Variants in FZR1 observed in about 807,000 individuals in gnomAD.
The protein encoded by FZR1 is fizzy-related protein homolog.
A neutral mutation model predicts 63.6 loss-of-function variants in FZR1; 11 were observed. That is an observed-to-expected ratio of 0.17 (90% CI 0.11 to 0.29). The LOEUF is 0.29. Among genes scored for constraint, FZR1 ranks in the 10% least tolerant of loss-of-function variants. The probability of loss-of-function intolerance (pLI) is 1.00; values close to 1 mark genes in which losing one functional copy is unlikely to be tolerated. For missense variants in FZR1, 440 were observed against 687.5 expected (o/e 0.64, Z 4.03); for synonymous variants, 328 against 297.9 (o/e 1.10, Z -1.04).
chr19:3,533,211 T>C lies in FZR1; in HGVS notation c.1243-83T>C. On this transcript the variant is annotated intron_variant, in intron 11 of 13. Coordinates refer to ENST00000441788, the MANE Select transcript of FZR1 (RefSeq NM_016263.4). The surrounding 1 kb of genome is among the most constrained non-coding windows in gnomAD (Gnocchi z 4.9). Reference sequence around the variant, plus strand: ...GGCGGCTCTGAGCTCTCACATGGGCTCAGGCGGGTGCATGTGAGGCAGCAG... The same window carrying C: ...GGCGGCTCTGAGCTCTCACATGGGCCCAGGCGGGTGCATGTGAGGCAGCAG... 1.2e-6 allele frequency: 1 copy of C among 850,118 alleles called. No individual in the cohort carries two copies. The highest frequency in any genetic ancestry group is 1.4e-5 in the South Asian group (1 of 72,236). The allele number at this position is 850,118 out of a possible 1,614,324, so 52.7% of individuals were successfully genotyped here. A position where few individuals can be genotyped will look rare whatever the true frequency, so the allele number is the denominator to read the frequency against.
At chr19:3,529,636 G>A (rs1481828761) in intron 7 of FZR1, among the ~76,000 whole-genome samples, 4 of 150,292 alleles carry the variant, frequency 2.7e-5, no homozygotes, top group Admixed American at 2.0e-4. Flanking sequence ...GAGAGCGGAT[G>A]GGTGAGCAGA....
chr19:3,517,916 A>G (rs1452507847), intron 1 of FZR1, among the ~76,000 whole-genome samples: 1 of 148,748 alleles, frequency 6.7e-6, no homozygotes, highest in East Asian at 2.0e-4. Flanking sequence ...GCTGGAGTGC[A>G]GTGGTGCGAT....
intron 1 of FZR1, among the ~76,000 whole-genome samples, chr19:3,513,247 G>C (rs1209253375): frequency 6.6e-6 from 1 of 152,090 alleles, no homozygotes; most frequent in African/African-American, 2.4e-5. Flanking sequence ...GTGAGGGGCT[G>C]TGTCCCGGCC....
chr19:3,530,668 G>C (rs1391488300), intron 7 of FZR1, 124 bp from the exon 8 acceptor site: 2 of 693,398 alleles, frequency 2.9e-6, no homozygotes, highest in Non-Finnish European at 5.0e-6. Flanking sequence ...ATGGGAGAGT[G>C]GATGAGATTG....
chr19:3,521,567 T>C (rs1369228978), intron 1 of FZR1, among the ~76,000 whole-genome samples: 1 of 151,722 alleles, frequency 6.6e-6, no homozygotes, highest in Admixed American at 6.6e-5. Flanking sequence ...AGCGGCACGA[T>C]CTCAGCTCAC....
intron 2 of FZR1, among the ~76,000 whole-genome samples, chr19:3,524,729 T>C (rs1043879092): frequency 6.6e-6 from 1 of 152,188 alleles, no homozygotes; most frequent in African/African-American, 2.4e-5. Context: ...GGACCCTTCC[T>C]GCCTCTCCCA....
At chr19:3,521,010 G>A (rs528060466) in intron 1 of FZR1, among the ~76,000 whole-genome samples, 1 of 152,326 alleles carries the variant, frequency 6.6e-6, no homozygotes. Context: ...ACGTCCTCAG[G>A]GCGTGTCCGC....
Position 3,533,204 on chromosome 19 carries a change from C to G in FZR1, c.1243-90C>G, listed in dbSNP as rs2083265353. The stretch of plus-strand genomic sequence containing the variant: ...GCTGGCTGGCGGCTCTGAGCTCTCA[C>G]ATGGGCTCAGGCGGGTGCATGTGAG... On this transcript the variant is annotated intron_variant, in intron 11 of 13. Transcript: ENST00000441788. This position sits in a 1 kb window ranked among gnomAD's most constrained non-coding sequence, Gnocchi z 4.9. 1.2e-6 allele frequency: 1 copy of G among 813,342 alleles called. No homozygotes were observed. Among genetic ancestry groups the G allele is most frequent in the Non-Finnish European group, 2.1e-6 (1 of 472,324 alleles). 50.4% of individuals were successfully genotyped at this position (813,342 alleles called of 1,614,324 possible). A position where few individuals can be genotyped will look rare whatever the true frequency, so the allele number is the denominator to read the frequency against.
Position 3,526,460 on chromosome 19 carries a change from CA to C in FZR1, c.387+75del. 7 of 1,238,458 alleles carry C rather than the reference CA, an allele frequency of 5.7e-6. No homozygotes were observed. Among genetic ancestry groups the C allele is most frequent in the Non-Finnish European group, 7.9e-6 (7 of 886,330 alleles). 76.7% of individuals were successfully genotyped at this position (1,238,458 alleles called of 1,614,324 possible). On this transcript the variant is annotated intron_variant, in intron 5 of 13. Transcript: ENST00000441788. This position sits in a 1 kb window ranked among gnomAD's most constrained non-coding sequence, Gnocchi z 5.4. ...CCCCGGCCCCCCACCTCCCAGGCAC[CA>C]GCTCTGCCTCCCCGAGCCCGGTTCT...
chr19:3,521,376 G>C (rs1292632495), intron 1 of FZR1: 1 of 152,214 alleles, frequency 6.6e-6, no homozygotes, highest in Non-Finnish European at 1.5e-5. Context: ...CCAGGGACTG[G>C]GGAGAGGGAT....
chr19:3,512,995 C>T (rs1205283423), intron 1 of FZR1, among the ~76,000 whole-genome samples: 9 of 152,100 alleles, frequency 5.9e-5, no homozygotes, highest in African/African-American at 1.7e-4. Flanking sequence ...TCCCTAGCCC[C>T]GCAGAGGATG....
intron 7 of FZR1, among the ~76,000 whole-genome samples, chr19:3,529,374 AGATGGGAGAGCAGATGGGTGAGCG>A (rs2083205626): frequency 2.2e-5 from 1 of 45,346 alleles, no homozygotes; most frequent in South Asian, 8.6e-4. Flanking sequence ...ATGGGAGAGC[AGATGGGAGAGCAGATGGGTGAGCG>A]GATGGGAGAG....
intron 11 of FZR1, 21 bp downstream of exon 11, chr19:3,532,671 C>T (rs2122022226): frequency 6.5e-7 from 1 of 1,548,794 alleles, no homozygotes; most frequent in Non-Finnish European, 8.9e-7. Flanking sequence ...GCGGCCCGGC[C>T]TCCCACCAGG....
chr19:3,511,799 C>T (rs531423787), intron 1 of FZR1, among the ~76,000 whole-genome samples: 8 of 152,316 alleles, frequency 5.3e-5, no homozygotes, highest in East Asian at 3.9e-4. Flanking sequence ...CTGGAAGGCA[C>T]GCTGTCCCCT....
Position 3,516,316 on chromosome 19 carries a change from C to G in FZR1, c.-34-6640C>G, listed in dbSNP as rs1385622036. Among the ~76,000 whole-genome samples the G allele has an allele frequency of 1.3e-5, 2 of 152,202 alleles. No individual in the cohort carries two copies. Among genetic ancestry groups the G allele is most frequent in the Admixed American group, 6.5e-5 (1 of 15,284 alleles). ...CTGCGAGGGAGGACTGGTCCTTTCC[C>G]AGTGCGGTTTGTTGGTGTCCTTTGC... is the stretch of plus-strand genomic sequence containing the variant. On this transcript the variant is annotated intron_variant, in intron 1 of 13. Coordinates refer to ENST00000441788, the MANE Select transcript of FZR1 (RefSeq NM_016263.4). The surrounding 1 kb of genome is among the most constrained non-coding windows in gnomAD (Gnocchi z 6.0).
chr19:3,508,436 C>T (rs1218130090), intron 1 of FZR1, among the ~76,000 whole-genome samples: 3 of 152,194 alleles, frequency 2.0e-5, no homozygotes, highest in Non-Finnish European at 4.4e-5. Flanking sequence ...CTCAGGCGAT[C>T]TGCCCGCCTC....
At position 3,536,179 on chromosome 19, in the gene FZR1, G is replaced by C. The variant is rs540095356; in HGVS notation, c.*1343G>C. On this transcript the variant is annotated 3_prime_UTR_variant, in exon 14 of 14. Coordinates refer to ENST00000441788, the MANE Select transcript of FZR1 (RefSeq NM_016263.4). ...GGCGTGCATGTGTACATATGTATTT[G>C]TGACTTTTCTTTGGATTTGTTTTGT... 6.6e-6 allele frequency: 1 copy of C among 152,424 alleles called. No homozygotes were observed. The highest frequency in any genetic ancestry group is 1.5e-5 in the Non-Finnish European group (1 of 68,092). 9.4% of individuals were successfully genotyped at this position (152,424 alleles called of 1,614,324 possible). A position where few individuals can be genotyped will look rare whatever the true frequency, so the allele number is the denominator to read the frequency against.
intron 7 of FZR1, among the ~76,000 whole-genome samples, chr19:3,529,791 AGT>A (rs1304451222): frequency 8.6e-6 from 1 of 116,844 alleles, no homozygotes; most frequent in Non-Finnish European, 1.7e-5. Flanking sequence ...AGTGGATGAG[AGT>A]GGTTGAGGGA....
rs1004500157 is a variant in FZR1 at position 3,515,482 on chromosome 19, G to C, written c.-34-7474G>C. Among the ~76,000 whole-genome samples, 1 of 152,148 alleles carries C rather than the reference G, an allele frequency of 6.6e-6. No homozygotes were observed. The highest frequency in any genetic ancestry group is 2.4e-5 in the African/African-American group (1 of 41,420). ...GTTCACGTGATACAGAATTCTAGAAGTACAGGCCGGGCGCGGTGGCTCACG... is the reference window on the plus strand; with the variant it reads ...GTTCACGTGATACAGAATTCTAGAACTACAGGCCGGGCGCGGTGGCTCACG... On this transcript the variant is annotated intron_variant, in intron 1 of 13. Transcript: ENST00000441788. This position sits in a 1 kb window ranked among gnomAD's most constrained non-coding sequence, Gnocchi z 4.6.
Sources: allele counts gnomAD v4.1 joint callset (sites outside exome capture counted in the v4.1 genomes callset), GRCh38; gene constraint gnomAD v4.1.1; non-coding constraint Gnocchi (gnomAD v3.1); transcripts MANE v1.5; gene names NCBI Gene and HGNC (gene_info 2026-07-23, HGNC 2026-07-21).